Variants in ASIC2 observed in about 807,000 individuals in gnomAD.
ASIC2 encodes the protein acid-sensing ion channel 2.
Under a neutral mutation model 57.3 loss-of-function variants are expected in ASIC2, and 25 were observed. The observed-to-expected ratio is 0.44, with a 90% CI of 0.32 to 0.61. The LOEUF (loss-of-function observed/expected upper bound fraction) is 0.61. Among genes scored for constraint, ASIC2 ranks in the 20% least tolerant of loss-of-function variants. The probability of loss-of-function intolerance (pLI) is 0.06; values close to 1 mark genes in which losing one functional copy is unlikely to be tolerated. For missense variants in ASIC2, 641 were observed against 738.1 expected, an observed-to-expected ratio of 0.87 and a Z score of 1.52; for synonymous variants, 319 against 307.5, an observed-to-expected ratio of 1.04 and a Z score of -0.39.
intron 1 of ASIC2, among the ~76,000 whole-genome samples, chr17:33,894,923 C>A (rs1256077548): frequency 2.0e-5 from 3 of 152,122 alleles, no homozygotes; most frequent in South Asian, 4.1e-4. Context: ...AGGGAGGATG[C>A]ACCCCATGCA....
At chr17:33,813,537 C>T (rs935111741) in intron 1 of ASIC2, among the ~76,000 whole-genome samples, 4 of 152,142 alleles carry the variant, frequency 2.6e-5, no homozygotes, top group East Asian at 1.9e-4. Flanking sequence ...CCTGGGTTCA[C>T]GCCATTCTCC....
At chr17:33,080,129 T>A (rs537880932) in intron 3 of ASIC2, among the ~76,000 whole-genome samples, 1 of 152,036 alleles carries the variant, frequency 6.6e-6, no homozygotes, top group South Asian at 2.1e-4. Context: ...GAGAGGACAA[T>A]ACAGCAACCT....
chr17:34,070,658 T>C (rs1393417376), intron 1 of ASIC2: 2 of 152,214 alleles, frequency 1.3e-5, no homozygotes, highest in East Asian at 1.9e-4. Flanking sequence ...CTACGAGGAA[T>C]TGCTGACCAC....
intron 1 of ASIC2, among the ~76,000 whole-genome samples, chr17:33,826,673 T>C (rs1912926626): frequency 6.6e-6 from 1 of 152,144 alleles, no homozygotes; most frequent in Admixed American, 6.5e-5. Flanking sequence ...CCTTATTACC[T>C]CTGTGCTCCT....
chr17:34,021,049 G>A (rs1280360147), intron 1 of ASIC2, among the ~76,000 whole-genome samples: 1 of 151,894 alleles, frequency 6.6e-6, no homozygotes, highest in East Asian at 1.9e-4. Context: ...CAAGACTACT[G>A]CCATCATAAG....
At chr17:33,818,699 T>C (rs1912660299) in intron 1 of ASIC2, among the ~76,000 whole-genome samples, 1 of 152,224 alleles carries the variant, frequency 6.6e-6, no homozygotes, top group South Asian at 2.1e-4. Context: ...CAGCCTAAAA[T>C]GTCAATAGTG....
chr17:33,045,639 ATG>A (rs2091951217), intron 3 of ASIC2, among the ~76,000 whole-genome samples: 3 of 152,024 alleles, frequency 2.0e-5, no homozygotes, highest in African/African-American at 7.3e-5. Flanking sequence ...GGCCAGGGTC[ATG>A]GCGGGGGCCA....
chr17:33,186,253 G>A (rs969428273), intron 1 of ASIC2, among the ~76,000 whole-genome samples: 8 of 152,076 alleles, frequency 5.3e-5, no homozygotes, highest in South Asian at 2.1e-4. Flanking sequence ...TGGGATCACA[G>A]GCATGTGCCT....
intron 1 of ASIC2, among the ~76,000 whole-genome samples, chr17:34,119,213 G>C (rs1911518894): frequency 6.6e-6 from 1 of 152,126 alleles, no homozygotes; most frequent in South Asian, 2.1e-4. Flanking sequence ...TATGGGCTTT[G>C]GAGTCACATG....
chr17:33,881,172 C>G (rs551978365), intron 1 of ASIC2, among the ~76,000 whole-genome samples: 5 of 152,276 alleles, frequency 3.3e-5, no homozygotes, highest in Admixed American at 2.6e-4. Flanking sequence ...TGGGCAAAAA[C>G]TGGAAGCATT....
chr17:34,070,937 G>A (rs936388087), intron 1 of ASIC2: 1 of 152,272 alleles, frequency 6.6e-6, no homozygotes, highest in Non-Finnish European at 1.5e-5. Context: ...ATGAGTTGGG[G>A]ATTCTTATCT....
chr17:33,764,495 G>A (rs1423475091), intron 1 of ASIC2, among the ~76,000 whole-genome samples: 2 of 149,330 alleles, frequency 1.3e-5, no homozygotes, highest in Admixed American at 6.6e-5. Flanking sequence ...GAGGCTGGGA[G>A]GTTTAAGGTC....
At chr17:33,707,626 GGA>G (rs1305070998) in intron 1 of ASIC2, among the ~76,000 whole-genome samples, 1 of 152,104 alleles carries the variant, frequency 6.6e-6, no homozygotes, top group African/African-American at 2.4e-5. Flanking sequence ...AATGTAAATT[GGA>G]GAGTTTCCCC....
intron 1 of ASIC2, among the ~76,000 whole-genome samples, chr17:33,546,573 G>A (rs1597778285): frequency 6.6e-6 from 1 of 152,176 alleles, no homozygotes; most frequent in Non-Finnish European, 1.5e-5. Context: ...TCCTTGACTT[G>A]TGTTTCCTGA....
At chr17:33,197,840 G>C (rs1452477188) in intron 1 of ASIC2, among the ~76,000 whole-genome samples, 1 of 152,092 alleles carries the variant, frequency 6.6e-6, no homozygotes, top group Admixed American at 6.6e-5. Context: ...TCATTATAAA[G>C]GTCTATTTTT....
At chr17:33,248,249 C>T (rs1011543101) in intron 1 of ASIC2, among the ~76,000 whole-genome samples, 9 of 152,076 alleles carry the variant, frequency 5.9e-5, no homozygotes, top group East Asian at 5.8e-4. Flanking sequence ...GGTAGGTGTA[C>T]GCCTGGCCTG....
intron 1 of ASIC2, among the ~76,000 whole-genome samples, chr17:33,431,876 C>T (rs1911433409): frequency 6.6e-6 from 1 of 152,058 alleles, no homozygotes; most frequent in African/African-American, 2.4e-5. Flanking sequence ...AAGATATGCC[C>T]ACGAAAGAGT....
intron 1 of ASIC2, among the ~76,000 whole-genome samples, chr17:33,121,458 T>C (rs1464371131): frequency 6.6e-6 from 1 of 151,882 alleles, no homozygotes; most frequent in Non-Finnish European, 1.5e-5. Context: ...CATGGAGAAG[T>C]GTTGTGAAAT....
At chr17:34,028,153 C>T (rs1369747022) in intron 1 of ASIC2, among the ~76,000 whole-genome samples, 1 of 151,318 alleles carries the variant, frequency 6.6e-6, no homozygotes, top group African/African-American at 2.4e-5. Flanking sequence ...TGGAAGAAAG[C>T]CCCCATGATA....
Sources: allele counts gnomAD v4.1 joint callset (sites outside exome capture counted in the v4.1 genomes callset), GRCh38; gene constraint gnomAD v4.1.1; transcripts MANE v1.5; gene names NCBI Gene and HGNC (gene_info 2026-07-23, HGNC 2026-07-21).